The following MIPEP variants were observed in gnomAD, a reference collection of about 807,000 sequenced individuals.
The protein encoded by MIPEP is mitochondrial intermediate peptidase.
MIPEP carries 79 observed loss-of-function variants against 90.3 expected under a neutral mutation model. The observed-to-expected ratio is 0.87, with a 90% CI of 0.73 to 1.05. MIPEP has a LOEUF of 1.05. Ranked by LOEUF, MIPEP falls within the 50% of genes least tolerant of loss-of-function variation. The pLI is 0.00. For missense variants in MIPEP, 940 were observed against 905.6 expected, an observed-to-expected ratio of 1.04 and a Z score of -0.49; for synonymous variants, 334 against 315.8, an observed-to-expected ratio of 1.06 and a Z score of -0.61.
intron 16 of MIPEP, among the ~76,000 whole-genome samples, chr13:23,801,540 T>G (rs1471588660): frequency 6.6e-6 from 1 of 152,192 alleles, no homozygotes; most frequent in Non-Finnish European, 1.5e-5. Context: ...ACCAATCAGT[T>G]TAAGAAAATA....
At chr13:23,820,363 T>C (rs760074596) in intron 14 of MIPEP, among the ~76,000 whole-genome samples, 19 of 152,228 alleles carry the variant, frequency 1.2e-4, no homozygotes, top group Non-Finnish European at 2.5e-4. Context: ...TAGTCCTACC[T>C]TTATAGAAAC....
At chr13:23,808,748 T>C (rs1426251304) in intron 15 of MIPEP, among the ~76,000 whole-genome samples, 1 of 152,226 alleles carries the variant, frequency 6.6e-6, no homozygotes, top group Non-Finnish European at 1.5e-5. Context: ...ATTATATTGA[T>C]ATGAATAGAT....
chr13:23,832,449 A>G (rs1322714754), intron 14 of MIPEP, among the ~76,000 whole-genome samples: 2 of 152,202 alleles, frequency 1.3e-5, no homozygotes, highest in South Asian at 2.1e-4. Flanking sequence ...ATAAATAGGT[A>G]AATAACAAGG....
At chr13:23,818,288 C>T (rs1030544901) in intron 14 of MIPEP, among the ~76,000 whole-genome samples, 1 of 151,328 alleles carries the variant, frequency 6.6e-6, no homozygotes, top group Non-Finnish European at 1.5e-5. Context: ...GGCCTGGTGG[C>T]GGGTGCCTGT....
chr13:23,806,669 CA>C (rs1172667936), intron 15 of MIPEP, among the ~76,000 whole-genome samples: 15 of 135,712 alleles, frequency 1.1e-4, no homozygotes, highest in East Asian at 2.2e-4. Context: ...GACTCCGTCT[CA>C]AAAAAAAAAA....
intron 14 of MIPEP, among the ~76,000 whole-genome samples, chr13:23,816,085 T>C (rs1953233488): frequency 6.6e-6 from 1 of 152,236 alleles, no homozygotes; most frequent in Admixed American, 6.5e-5. Flanking sequence ...AGGTTTTCTC[T>C]TTATCTTTGG....
intron 18 of MIPEP, among the ~76,000 whole-genome samples, chr13:23,742,102 C>G (rs1952337004): frequency 6.6e-6 from 1 of 152,170 alleles, no homozygotes; most frequent in Non-Finnish European, 1.5e-5. Context: ...CTCAGGGGCA[C>G]TGTGCTGGTG....
At chr13:23,817,743 C>T (rs964813297) in intron 14 of MIPEP, among the ~76,000 whole-genome samples, 1 of 152,058 alleles carries the variant, frequency 6.6e-6, no homozygotes, top group Admixed American at 6.6e-5. Context: ...AAAATTCGAT[C>T]CTGTGATTCA....
intron 16 of MIPEP, among the ~76,000 whole-genome samples, chr13:23,802,704 T>C (rs1375439328): frequency 6.6e-6 from 1 of 152,072 alleles, no homozygotes; most frequent in Non-Finnish European, 1.5e-5. Flanking sequence ...TTTTTAACTT[T>C]AAGATTTTTC....
chr13:23,763,406 G>A (rs942707370), intron 16 of MIPEP, among the ~76,000 whole-genome samples: 5 of 152,164 alleles, frequency 3.3e-5, no homozygotes, highest in African/African-American at 9.7e-5. Flanking sequence ...TACAGTTAAG[G>A]GGCTTTGTCT....
intron 14 of MIPEP, among the ~76,000 whole-genome samples, chr13:23,828,939 C>T (rs1355575761): frequency 1.3e-5 from 2 of 152,176 alleles, no homozygotes; most frequent in East Asian, 3.8e-4. Context: ...AAGCTTATTA[C>T]TATAACTTAT....
At chr13:23,745,027 G>A (rs1025811313) in intron 18 of MIPEP, among the ~76,000 whole-genome samples, 3 of 152,122 alleles carry the variant, frequency 2.0e-5, no homozygotes, top group African/African-American at 7.2e-5. Context: ...CCTTCCTCCT[G>A]ACCCTAAAGC....
intron 17 of MIPEP, among the ~76,000 whole-genome samples, chr13:23,758,368 T>A (rs577205390): frequency 1.3e-5 from 2 of 152,316 alleles, no homozygotes; most frequent in Non-Finnish European, 2.9e-5. Flanking sequence ...AATTTTCTAG[T>A]CTAGTGAGCA....
chr13:23,874,638 T>C (rs1311221488), intron 5 of MIPEP, among the ~76,000 whole-genome samples: 1 of 152,244 alleles, frequency 6.6e-6, no homozygotes, highest in Non-Finnish European at 1.5e-5. Context: ...CCTGTCTTAA[T>C]TCTGAATTAT....
intron 2 of MIPEP, among the ~76,000 whole-genome samples, chr13:23,883,431 T>C (rs1871346279): frequency 6.6e-6 from 1 of 152,106 alleles, no homozygotes; most frequent in Admixed American, 6.5e-5. Flanking sequence ...CCCCTCAGTA[T>C]CAATGGACAA....
At chr13:23,879,136 G>A (rs1427360370) in intron 4 of MIPEP, 132 bp downstream of exon 4, 6 of 671,992 alleles carry the variant, frequency 8.9e-6, no homozygotes, top group Non-Finnish European at 1.3e-5. Flanking sequence ...AGAAAGTGCA[G>A]GAGTCATAGA....
At chr13:23,798,724 C>T (rs1011770657) in intron 16 of MIPEP, among the ~76,000 whole-genome samples, 2 of 151,340 alleles carry the variant, frequency 1.3e-5, no homozygotes, top group African/African-American at 4.9e-5. Flanking sequence ...TGGCACCTAC[C>T]CTCTCTCTCT....
In MIPEP at chr13:23,731,994, T is replaced by A. The variant is rs868431954; in HGVS notation, c.2045-1549A>T. On this transcript the variant is annotated intron_variant, in intron 18 of 18. Coordinates refer to ENST00000382172, the MANE Select transcript of MIPEP (RefSeq NM_005932.4). ...TTTTTTTTTTTTTTTTTTTTTTTTT[T>A]AAAGACAAGGTCTTGCTCTGTTGTC... Among the ~76,000 whole-genome samples the A allele has an allele frequency of 3.9e-3, 370 of 94,020 alleles. 2 individuals are homozygous for A. The highest frequency in any genetic ancestry group is 0.017 in the African/African-American group (351 of 21,050). The allele number at this position is 94,020 out of a possible 152,430, so 61.7% of individuals were successfully genotyped here. A position where few individuals can be genotyped will look rare whatever the true frequency, so the allele number is the denominator to read the frequency against.
chr13:23,754,466 T>C (rs1593134333), intron 18 of MIPEP, among the ~76,000 whole-genome samples: 1 of 152,218 alleles, frequency 6.6e-6, no homozygotes, highest in Non-Finnish European at 1.5e-5. Context: ...TACTTAATCA[T>C]CTCTGGTTTG....
Sources: allele counts gnomAD v4.1 joint callset (sites outside exome capture counted in the v4.1 genomes callset), GRCh38; gene constraint gnomAD v4.1.1; transcripts MANE v1.5; gene names NCBI Gene and HGNC (gene_info 2026-07-23, HGNC 2026-07-21).